PCDHA10: variants seen among roughly 807,000 people sequenced by gnomAD.
PCDHA10 encodes protocadherin alpha 10.
Under a neutral mutation model 61.2 loss-of-function variants are expected in PCDHA10, and 45 were observed. The observed-to-expected ratio is 0.74, with a 90% CI of 0.58 to 0.94. The LOEUF is 0.94. Ranked by LOEUF, PCDHA10 falls within the 40% of genes least tolerant of loss-of-function variation. PCDHA10 has a pLI of 0.00. For synonymous variants in PCDHA10, 602 were observed against 548.8 expected (o/e 1.10, Z -1.35); for missense variants, 1,278 against 1,236.2 (o/e 1.03, Z -0.51).
At chr5:140,877,593 G>A in intron 1 of PCDHA10, 2 of 1,613,854 alleles carry the variant, frequency 1.2e-6, no homozygotes, top group Non-Finnish European at 1.7e-6. Context: ...TCTGTGCGGT[G>A]TCCAGCCTGC....
chr5:140,911,075 A>G (rs1554194593), intron 1 of PCDHA10, among the ~76,000 whole-genome samples: 1 of 152,076 alleles, frequency 6.6e-6, no homozygotes, highest in Admixed American at 6.6e-5. Context: ...GAGGAGAATC[A>G]ACATTATCTT....
intron 1 of PCDHA10, chr5:140,870,894 T>C (rs2052511877): frequency 1.2e-6 from 2 of 1,613,938 alleles, no homozygotes; most frequent in East Asian, 2.2e-5. Flanking sequence ...GCGCAGTGGA[T>C]GCGGACTCAG....
chr5:140,870,078 G>C (rs2051638531), intron 1 of PCDHA10: 1 of 1,613,720 alleles, frequency 6.2e-7, no homozygotes, highest in African/African-American at 1.3e-5. Flanking sequence ...CAGATAAGGG[G>C]ACTCCCCCAA....
rs1554214039 is a variant in PCDHA10 at position 140,941,214 on chromosome 5, C to CTTTCTTTCTTTCTTTCTTTCTTTCTTT, written c.2389-37735_2389-37734insTTTCTTTCTTTCTTTCTTTCTTTCTTT. ...TTTTTTCTTTCTTCCTTTCTTTCTTCCTTTCTTTCTTTCTTTCTTTCTTTC... is the reference window on the plus strand; with the variant it reads ...TTTTTTCTTTCTTCCTTTCTTTCTTCTTTCTTTCTTTCTTTCTTTCTTTCTTTCTTTCTTTCTTTCTTTCTTTCTTTC... On this transcript the variant is annotated intron_variant, in intron 1 of 3. Coordinates refer to ENST00000307360, the MANE Select transcript of PCDHA10 (RefSeq NM_018901.4). Among the ~76,000 whole-genome samples the CTTTCTTTCTTTCTTTCTTTCTTTCTTT allele has an allele frequency of 4.7e-4, 57 of 122,484 alleles. 1 individual carries two copies. The highest frequency in any genetic ancestry group is 1.6e-3 in the East Asian group (7 of 4,322). The allele number at this position is 122,484 out of a possible 152,430, so 80.4% of individuals were successfully genotyped here.
chr5:140,973,799 A>G (rs1470568019), intron 1 of PCDHA10, among the ~76,000 whole-genome samples: 1 of 152,254 alleles, frequency 6.6e-6, no homozygotes, highest in African/African-American at 2.4e-5. Flanking sequence ...CATGCTGTCT[A>G]CTTGACAGAA....
At chr5:140,861,327 T>C (rs1363614329) in intron 1 of PCDHA10, 2 of 243,212 alleles carry the variant, frequency 8.2e-6, no homozygotes, top group Middle Eastern at 1.5e-3. Flanking sequence ...CACTACACCA[T>C]CCTGGAAGAG....
chr5:140,926,783 C>G lies in PCDHA10; in HGVS notation c.2389-52166C>G, dbSNP rs1230665699. 5.0e-6 allele frequency: 7 copies of G among 1,410,188 alleles called. No homozygotes were observed. The African/African-American group carries it at 7.3e-5, about 15-fold the overall frequency. The allele number at this position is 1,410,188 out of a possible 1,614,324, so 87.4% of individuals were successfully genotyped here. On this transcript the variant is annotated intron_variant, in intron 1 of 3. Transcript: ENST00000307360. The stretch of plus-strand genomic sequence containing the variant: ...GTATCCAGCCCGCAGCAGTGACGGC[C>G]GGCAGGAGCGTGCTCTTCCCCGCGG...
intron 1 of PCDHA10, among the ~76,000 whole-genome samples, chr5:140,943,465 GA>G (rs1412044069): frequency 6.6e-6 from 1 of 152,022 alleles, no homozygotes. Flanking sequence ...CTAAATGTGG[GA>G]GATACAGTAA....
intron 1 of PCDHA10, among the ~76,000 whole-genome samples, chr5:140,950,286 C>G (rs2094469059): frequency 6.6e-6 from 1 of 151,924 alleles, no homozygotes; most frequent in Non-Finnish European, 1.5e-5. Flanking sequence ...TTGCTTCAAC[C>G]TGAAAAACTT....
chr5:140,881,837 A>G (rs1554172601), intron 1 of PCDHA10, among the ~76,000 whole-genome samples: 1 of 152,238 alleles, frequency 6.6e-6, no homozygotes, highest in Admixed American at 6.5e-5. Flanking sequence ...TTCTGCATGG[A>G]ATTCTTACAC....
chr5:140,939,240 AGGT>A (rs1314261929), intron 1 of PCDHA10, among the ~76,000 whole-genome samples: 2 of 152,170 alleles, frequency 1.3e-5, no homozygotes, highest in African/African-American at 4.8e-5. Context: ...GGAAGGAGCA[AGGT>A]AGCTCTCTGG....
At chr5:140,941,202 CCTTTCTTTCTTCCTTT>C (rs1307053809) in intron 1 of PCDHA10, among the ~76,000 whole-genome samples, 1 of 122,742 alleles carries the variant, frequency 8.1e-6, no homozygotes, top group Non-Finnish European at 1.8e-5. Context: ...TTTCTTTCTT[CCTTTCTTTCTTCCTTT>C]CTTTCTTTCT....
chr5:140,951,150 ATAGT>A (rs33995910), intron 1 of PCDHA10, among the ~76,000 whole-genome samples: 85,202 of 151,324 alleles, frequency 0.56, 24,547 homozygotes, highest in African/African-American at 0.69. Context: ...CTTATTGAAT[ATAGT>A]TATAGTAGCT....
At chr5:140,932,734 C>G (rs1295804671) in intron 1 of PCDHA10, among the ~76,000 whole-genome samples, 2 of 151,588 alleles carry the variant, frequency 1.3e-5, no homozygotes, top group Non-Finnish European at 1.5e-5. Context: ...AATATAGACC[C>G]TCAAATCAGT....
In PCDHA10 at chr5:140,915,632, C is replaced by CTCTG. The variant is rs1161142039; in HGVS notation, c.2388+57199_2388+57200insGTCT. 3.9e-3 allele frequency among the ~76,000 whole-genome samples: 565 copies of CTCTG among 144,610 alleles called. 2 individuals are homozygous for CTCTG. Among genetic ancestry groups the CTCTG allele is most frequent in the African/African-American group, 0.016 (538 of 34,672 alleles). 94.9% of individuals were successfully genotyped at this position (144,610 alleles called of 152,430 possible). A position where few individuals can be genotyped will look rare whatever the true frequency, so the allele number is the denominator to read the frequency against. On this transcript the variant is annotated intron_variant, in intron 1 of 3. Coordinates refer to ENST00000307360, the MANE Select transcript of PCDHA10 (RefSeq NM_018901.4). ...TGTCAAACAGTCTCTTTCTGTCTCT[C>CTCTG]TCTCTCTCTCTCTCTCTCTCTCTCA...
intron 1 of PCDHA10, among the ~76,000 whole-genome samples, chr5:140,919,029 A>C (rs1474107507): frequency 6.6e-6 from 1 of 152,126 alleles, no homozygotes; most frequent in Non-Finnish European, 1.5e-5. Flanking sequence ...TCTTCTGCCT[A>C]GTTGTTGTCC....
At chr5:140,860,167 A>G (rs924380316) in intron 1 of PCDHA10, 2 of 149,440 alleles carry the variant, frequency 1.3e-5, no homozygotes, top group Non-Finnish European at 3.0e-5. Flanking sequence ...ATATATATGT[A>G]TATATATATG....
intron 1 of PCDHA10, chr5:140,968,734 C>A: frequency 6.2e-7 from 1 of 1,614,162 alleles, no homozygotes; most frequent in Non-Finnish European, 8.5e-7. Flanking sequence ...GTAGCACTTT[C>A]AACCTGACCG....
chr5:140,967,100 G>A, intron 1 of PCDHA10: 1 of 1,613,092 alleles, frequency 6.2e-7, no homozygotes, highest in Non-Finnish European at 8.5e-7. Context: ...GGCGCTGTGT[G>A]AGCAGCGGCC....
Sources: allele counts gnomAD v4.1 joint callset (sites outside exome capture counted in the v4.1 genomes callset), GRCh38; gene constraint gnomAD v4.1.1; transcripts MANE v1.5; gene names NCBI Gene and HGNC (gene_info 2026-07-23, HGNC 2026-07-21).